ANKS1B: variants seen among roughly 807,000 people sequenced by gnomAD.
ANKS1B encodes ankyrin repeat and sterile alpha motif domain-containing protein 1B.
In ANKS1B, 36 loss-of-function variants were observed where a neutral mutation model predicts 148.3. The observed-to-expected ratio is 0.24, with a 90% CI of 0.19 to 0.32. ANKS1B has a LOEUF of 0.32. ANKS1B is among the 10% of genes least tolerant of loss of function. The pLI, the probability that ANKS1B is intolerant of heterozygous loss-of-function variation, is 1.00. For synonymous variants in ANKS1B, 542 were observed against 560.8 expected (o/e 0.97, Z 0.47); for missense variants, 1,157 against 1,542.6 (o/e 0.75, Z 4.19).
intron 10 of ANKS1B, among the ~76,000 whole-genome samples, chr12:99,494,453 T>C (rs1429694685): frequency 6.6e-6 from 1 of 152,058 alleles, no homozygotes; most frequent in Non-Finnish European, 1.5e-5. Context: ...GATTTAATTG[T>C]TGATGTGCAC....
intron 17 of ANKS1B, among the ~76,000 whole-genome samples, chr12:99,026,769 G>A (rs2099948999): frequency 6.6e-6 from 1 of 152,090 alleles, no homozygotes; most frequent in Admixed American, 6.5e-5. Flanking sequence ...GGGTGCTTTA[G>A]CAAATTCAGA....
At chr12:99,722,195 T>C (rs1321420859) in intron 8 of ANKS1B, among the ~76,000 whole-genome samples, 5 of 152,206 alleles carry the variant, frequency 3.3e-5, no homozygotes, top group East Asian at 1.9e-4. Flanking sequence ...CCAGCTAAAT[T>C]GATAAAGGTG....
intron 9 of ANKS1B, among the ~76,000 whole-genome samples, chr12:99,514,950 T>G (rs1364836310): frequency 6.6e-6 from 1 of 152,022 alleles, no homozygotes; most frequent in Non-Finnish European, 1.5e-5. Flanking sequence ...CTAGCAATAT[T>G]GGGCTCAAAA....
chr12:99,482,797 T>G (rs1296689573), intron 10 of ANKS1B, among the ~76,000 whole-genome samples: 1 of 152,046 alleles, frequency 6.6e-6, no homozygotes, highest in African/African-American at 2.4e-5. Flanking sequence ...AGTTATTGAT[T>G]TGATTCTCAG....
intron 16 of ANKS1B, among the ~76,000 whole-genome samples, chr12:99,079,304 A>T (rs924707293): frequency 9.2e-5 from 14 of 152,176 alleles, no homozygotes; most frequent in Admixed American, 1.3e-4. Flanking sequence ...AACAGCAAAA[A>T]TTTTTTTAGC....
chr12:99,126,555 G>A (rs568055306), intron 15 of ANKS1B, among the ~76,000 whole-genome samples: 8 of 152,198 alleles, frequency 5.3e-5, no homozygotes, highest in African/African-American at 1.9e-4. Context: ...GCATGGCGAA[G>A]ATATGTCATG....
chr12:98,778,625 C>A (rs1159359557), intron 24 of ANKS1B, among the ~76,000 whole-genome samples: 1 of 152,172 alleles, frequency 6.6e-6, no homozygotes, highest in Admixed American at 6.5e-5. Flanking sequence ...TCCTCGCACA[C>A]ACTGCTAGAA....
intron 9 of ANKS1B, among the ~76,000 whole-genome samples, chr12:99,624,225 C>T (rs1567504032): frequency 6.6e-6 from 1 of 151,976 alleles, no homozygotes; most frequent in Non-Finnish European, 1.5e-5. Flanking sequence ...AAACTGGAAC[C>T]CTACTTTTCA....
intron 23 of ANKS1B, chr12:98,781,421 A>C (rs1478612112): frequency 3.9e-5 from 25 of 633,718 alleles, no homozygotes; most frequent in Non-Finnish European, 7.3e-5. Context: ...GGGCTTATAA[A>C]GTTATCCGTC....
chr12:99,968,384 G>A (rs2095514944), intron 1 of ANKS1B, among the ~76,000 whole-genome samples: 1 of 152,060 alleles, frequency 6.6e-6, no homozygotes, highest in African/African-American at 2.4e-5. Context: ...GTGAAATCCC[G>A]TCTCTACTAA....
intron 11 of ANKS1B, among the ~76,000 whole-genome samples, chr12:99,439,054 C>A (rs1418213344): frequency 6.6e-6 from 1 of 151,680 alleles, no homozygotes; most frequent in Non-Finnish European, 1.5e-5. Flanking sequence ...ATGCCAACAA[C>A]AAACAATTAA....
Position 99,152,524 on chromosome 12 carries a change from C to T in ANKS1B, c.2526+1765G>A, listed in dbSNP as rs193069140. 3.2e-4 allele frequency among the ~76,000 whole-genome samples: 48 copies of T among 152,170 alleles called. No individual in the cohort carries two copies. In the Middle Eastern group the frequency reaches 0.01, roughly 32 times the overall value. On this transcript the variant is annotated intron_variant, in intron 15 of 26. Coordinates refer to ENST00000683438, the MANE Select transcript of ANKS1B (RefSeq NM_001352186.2). ...ATGATTCATTCATGAATAATTTTTA[C>T]GATCTCTCTTTGAATGCTTATTTGA...
At chr12:99,345,753 T>C (rs1002049361) in intron 12 of ANKS1B, among the ~76,000 whole-genome samples, 8 of 151,744 alleles carry the variant, frequency 5.3e-5, no homozygotes, top group African/African-American at 1.9e-4. Flanking sequence ...GAAACGCAAA[T>C]CCTTTAAAAG....
chr12:99,344,382 T>C (rs2090367260), intron 12 of ANKS1B, among the ~76,000 whole-genome samples: 1 of 152,092 alleles, frequency 6.6e-6, no homozygotes, highest in Non-Finnish European at 1.5e-5. Context: ...TGCTATTGTA[T>C]CATAATTGTT....
At chr12:99,762,959 T>A (rs2062285899) in intron 8 of ANKS1B, among the ~76,000 whole-genome samples, 2 of 152,072 alleles carry the variant, frequency 1.3e-5, no homozygotes, top group Non-Finnish European at 2.9e-5. Flanking sequence ...CTCACACCTG[T>A]CACAATGACT....
rs1264468119 is a variant in ANKS1B at position 99,134,643 on chromosome 12, TCTCACACACACA to T, written c.2526+19634_2526+19645del. ...ATCCCTTTCTGTCTCTCTCTCTCTC[TCTCACACACACA>T]CACACACACACACACACACACACAC... On this transcript the variant is annotated intron_variant, in intron 15 of 26. Transcript: ENST00000683438. Among the ~76,000 whole-genome samples the T allele has an allele frequency of 6.3e-3, 524 of 83,096 alleles. 2 individuals carry two copies. The highest frequency in any genetic ancestry group is 0.025 in the East Asian group (54 of 2,156). 54.5% of individuals were successfully genotyped at this position (83,096 alleles called of 152,430 possible). A position where few individuals can be genotyped will look rare whatever the true frequency, so the allele number is the denominator to read the frequency against.
At chr12:98,919,244 A>AT (rs1314176002) in intron 17 of ANKS1B, among the ~76,000 whole-genome samples, 7 of 152,202 alleles carry the variant, frequency 4.6e-5, no homozygotes, top group Non-Finnish European at 4.4e-5. Context: ...ATGAAGGAAG[A>AT]TTTTGTACTA....
intron 9 of ANKS1B, among the ~76,000 whole-genome samples, chr12:99,527,573 C>T (rs893911566): frequency 6.6e-6 from 1 of 152,032 alleles, no homozygotes; most frequent in Admixed American, 6.6e-5. Context: ...TTACAATTAT[C>T]CCAGGTCATG....
At chr12:99,035,052 A>C (rs532926129) in intron 17 of ANKS1B, among the ~76,000 whole-genome samples, 2 of 152,256 alleles carry the variant, frequency 1.3e-5, no homozygotes, top group South Asian at 2.1e-4. Flanking sequence ...CAACACCCCA[A>C]AATGAAGGCC....
Sources: gnomAD v4.1 joint callset for allele counts (sites outside exome capture counted in the v4.1 genomes callset) on GRCh38, gnomAD v4.1.1 for gene constraint, MANE v1.5 for transcripts, NCBI Gene and HGNC (gene_info 2026-07-23, HGNC 2026-07-21) for gene names.